Variants in MDC1 observed in about 807,000 individuals in gnomAD.
MDC1 encodes mediator of DNA damage checkpoint protein 1.
Under a neutral mutation model 142.5 loss-of-function variants are expected in MDC1, and 81 were observed. The observed-to-expected ratio is 0.57, with a 90% confidence interval of 0.47 to 0.68. MDC1 has a LOEUF of 0.68. MDC1 is among the 30% of genes least tolerant of loss of function. MDC1 has a pLI of 0.00. For synonymous variants in MDC1, 797 were observed against 968.4 expected, an observed-to-expected ratio of 0.82 and a Z score of 3.29; for missense variants, 2,119 against 2,547.9, an observed-to-expected ratio of 0.83 and a Z score of 3.62.
chr6:30,704,400 G>A lies in MDC1; in HGVS notation c.4783C>T (p.Arg1595Trp), dbSNP rs762832250. 8.0e-5 allele frequency: 129 copies of A among 1,612,730 alleles called. No individual in the cohort carries two copies. The highest frequency in any genetic ancestry group is 3.3e-4 in the Middle Eastern group (2 of 6,082). ...NQLVTPEPTS[R>W]ATRCRTNRSS... ...CTATTTGTCCTGCACCTAGTGGCCC[G>A]AGATGTGGGCTCAGGGGTGACAAGC... Residue 1595 changes from arginine (R) to tryptophan (W), a missense_variant, in exon 10 of 15, where the codon CGG (arginine) becomes TGG (tryptophan). By Grantham distance (101) the Arg-to-Trp change is moderately radical. Coordinates refer to ENST00000376406, the MANE Select transcript of MDC1 (RefSeq NM_014641.3).
At chr6:30,711,348 G>T in intron 7 of MDC1, 64 bp downstream of exon 7, 2 of 1,433,678 alleles carry the variant, frequency 1.4e-6, no homozygotes, top group Non-Finnish European at 2.0e-6. Flanking sequence ...TCCAGCCTGA[G>T]TGACAGAGGA....
intron 9 of MDC1, 62 bp downstream of exon 9, chr6:30,707,322 A>G: frequency 6.7e-7 from 1 of 1,500,900 alleles, no homozygotes; most frequent in South Asian, 1.1e-5. Context: ...GCTAGGTGAA[A>G]GAGCATTGGA....
In MDC1 at chr6:30,713,044, C is replaced by T. The variant is rs1173892252; in HGVS notation, c.898G>A (p.Asp300Asn). ...CTGCTGTCATCATCCACATCTGTGT[C>T]ACTGTCCTCTCCAGGAGGTTGGCTC... is the stretch of plus-strand genomic sequence containing the variant. ...ERSQPPGEDS[D>N]TDVDDDSRPP... The change falls in exon 5 of 15, where the codon GAC becomes AAC. Residue 300 changes from aspartate (D) to asparagine (N), a missense_variant. By Grantham distance (23) the Asp-to-Asn change is conservative (BLOSUM62 1). Coordinates refer to ENST00000376406, the MANE Select transcript of MDC1 (RefSeq NM_014641.3). The surrounding 1 kb of genome is among the most constrained non-coding windows in gnomAD (Gnocchi z 4.9). 1 of 1,612,930 alleles carries T rather than the reference C, an allele frequency of 6.2e-7. No individual in the cohort carries two copies. The highest frequency in any genetic ancestry group is 2.2e-5 in the East Asian group (1 of 44,884).
At chr6:30,707,253 C>A in intron 9 of MDC1, 131 bp downstream of exon 9, 1 of 949,788 alleles carries the variant, frequency 1.1e-6, no homozygotes, top group Non-Finnish European at 1.6e-6. Context: ...AGAAGCCAAT[C>A]AAGGCGTGAC....
chr6:30,702,272 A>G (rs979616945), intron 14 of MDC1, among the ~76,000 whole-genome samples: 1 of 151,456 alleles, frequency 6.6e-6, no homozygotes, highest in Non-Finnish European at 1.5e-5. Context: ...AAAAAAAAAA[A>G]AAAAAAAAAG....
rs748521531 is a variant in MDC1, at chr6:30,700,637, G to A, written c.6103-5C>T. On this transcript the variant is annotated splice_polypyrimidine_tract_variant and splice_region_variant and intron_variant, in intron 14 of 14. Transcript: ENST00000376406. ...TGTGATCACAACTCTCTGAGGCTGG[G>A]GAAGACAGAGCAAAGGCAAAATCAG... is the stretch of plus-strand genomic sequence containing the variant. 2 of 1,612,670 alleles carry A rather than the reference G, an allele frequency of 1.2e-6. No individual in the cohort carries two copies. Among genetic ancestry groups the A allele is most frequent in the South Asian group, 2.2e-5 (2 of 91,072 alleles).
rs993884531 is a variant in MDC1 at position 30,709,308 on chromosome 6, T to G, written c.2222-951A>C. Among the ~76,000 whole-genome samples, 4 of 152,242 alleles carry G rather than the reference T, an allele frequency of 2.6e-5. No individual in the cohort carries two copies. Among genetic ancestry groups the G allele is most frequent in the African/African-American group, 4.8e-5 (2 of 41,470 alleles). Reference sequence around the variant, plus strand: ...CTGGGATTACAGGTGTGAGCCACCATGCTTGGCTGGAATTTCCTTCTTTTT... The same window carrying G: ...CTGGGATTACAGGTGTGAGCCACCAGGCTTGGCTGGAATTTCCTTCTTTTT... On this transcript the variant is annotated intron_variant, in intron 7 of 14. Transcript: ENST00000376406. The surrounding 1 kb of genome is among the most constrained non-coding windows in gnomAD (Gnocchi z 4.2).
rs945061976 is a variant in MDC1, at chr6:30,716,307, TCTGCCTCCAGGCTTCAAGCGATTCTC to T, written c.-4+912_-4+937del. Among the ~76,000 whole-genome samples the T allele has an allele frequency of 5.3e-5, 8 of 151,796 alleles. No individual in the cohort carries two copies. Among genetic ancestry groups the T allele is most frequent in the Admixed American group, 1.3e-4 (2 of 15,214 alleles). Reference sequence around the variant, plus strand: ...GGTGCTATCTTGGCTCACTGCAACCTCTGCCTCCAGGCTTCAAGCGATTCTCCTGCCTCAGCCTCCCGAGCAGCTGG... The same window carrying T: ...GGTGCTATCTTGGCTCACTGCAACCTCTGCCTCAGCCTCCCGAGCAGCTGG... On this transcript the variant is annotated intron_variant, in intron 1 of 14. Coordinates refer to ENST00000376406, the MANE Select transcript of MDC1 (RefSeq NM_014641.3). This position sits in a 1 kb window ranked among gnomAD's most constrained non-coding sequence, Gnocchi z 4.4.
intron 5 of MDC1, 70 bp downstream of exon 5, chr6:30,711,804 T>C: frequency 6.4e-7 from 1 of 1,569,180 alleles, no homozygotes; most frequent in Non-Finnish European, 8.7e-7. Context: ...TCTCTACCTT[T>C]CTCTCCCCAA....
chr6:30,706,620 T>TTA (rs1562100808), intron 9 of MDC1, among the ~76,000 whole-genome samples: 1 of 42,788 alleles, frequency 2.3e-5, no homozygotes, highest in Admixed American at 3.5e-4. Context: ...AGACTCTGTC[T>TTA]AAAAAAAAAA....
rs1314438660 is a variant in MDC1 at position 30,711,452 on chromosome 6, G to A, written c.2181C>T (p.Pro727=). ...EPTQAFMLTP[P]QELGPSHCSF... ...TGCAATGGGAAGGGCCAAGCTCTTG[G>A]GGTGGAGTCAACATGAAGGCCTGGG... is the stretch of plus-strand genomic sequence containing the variant. The change falls in exon 7 of 15, where the codon CCC becomes CCT. Residue 727 remains proline, a synonymous_variant. Transcript: ENST00000376406. 9.9e-6 allele frequency: 16 copies of A among 1,613,004 alleles called. No homozygotes were observed. The highest frequency in any genetic ancestry group is 1.3e-5 in the African/African-American group (1 of 74,904).
rs749854538 is a variant in MDC1, at chr6:30,712,227, G to A, written c.1715C>T (p.Pro572Leu). 3.1e-6 allele frequency: 5 copies of A among 1,612,996 alleles called. No homozygotes were observed. The highest frequency in any genetic ancestry group is 2.5e-6 in the Non-Finnish European group (3 of 1,179,992). The change falls in exon 5 of 15, where the codon CCT (proline) becomes CTT (leucine). Residue 572 changes from proline (P) to leucine (L), a missense_variant. Physicochemically the swap from Pro to Leu is moderately conservative, Grantham distance 98. Transcript: ENST00000376406. The surrounding 1 kb of genome is among the most constrained non-coding windows in gnomAD (Gnocchi z 4.7). ...LLVVSLEEAW[P>L]LHGDCETDAE... ...ATCTGTTTCACAGTCCCCATGCAGA[G>A]GCCAGGCTTCCTCTAGAGATACCAC... is the stretch of plus-strand genomic sequence containing the variant.
Position 30,703,655 on chromosome 6 carries a change from T to C in MDC1, c.5528A>G (p.Glu1843Gly), listed in dbSNP as rs1562080840. 6.4e-7 allele frequency: 1 copy of C among 1,563,922 alleles called. No homozygotes were observed. The highest frequency in any genetic ancestry group is 8.6e-7 in the Non-Finnish European group (1 of 1,158,982). The change falls in exon 10 of 15, where the codon GAA becomes GGA. Residue 1843 changes from glutamate to glycine, a missense_variant. Transcript: ENST00000376406. This position sits in a 1 kb window ranked among gnomAD's most constrained non-coding sequence, Gnocchi z 4.4. ...CCCTGGCTTCTCTGCAGTATCTTCT[T>C]CCTCTTCCTTGATAATCACTGTCTT... ...SQKTVIIKEEEEDTAEKPGKE... is the reference protein window; with the variant it reads ...SQKTVIIKEEGEDTAEKPGKE...
intron 9 of MDC1, among the ~76,000 whole-genome samples, 160 bp from the exon 10 acceptor site, chr6:30,706,258 G>A (rs528084212): frequency 1.3e-5 from 2 of 151,864 alleles, no homozygotes; most frequent in South Asian, 2.1e-4. Flanking sequence ...AGGCCGAGGC[G>A]GGCGGATCAC....
Position 30,711,647 on chromosome 6 carries a change from A to T in MDC1, c.2128+20T>A. The T allele has an allele frequency of 6.2e-7, 1 of 1,612,488 alleles. No homozygotes were observed. Among genetic ancestry groups the T allele is most frequent in the Admixed American group, 1.7e-5 (1 of 59,964 alleles). ...CCAGCTCCCACTGGTACAGGATTCA[A>T]ATAACACAGAAGTCCTCACCTTCCA... On this transcript the variant is annotated intron_variant, in intron 6 of 14. Transcript: ENST00000376406.
intron 7 of MDC1, among the ~76,000 whole-genome samples, chr6:30,710,420 A>T (rs149394397): frequency 0.02 from 2,908 of 148,308 alleles, 40 homozygotes; most frequent in South Asian, 0.065. Flanking sequence ...TTTTTGAGAC[A>T]GAGTTTCACT....
Position 30,712,200 on chromosome 6 carries a change from G to T in MDC1, c.1742C>A (p.Ala581Glu), listed in dbSNP as rs756563739. 6.2e-7 allele frequency: 1 copy of T among 1,612,868 alleles called. No individual in the cohort carries two copies. The highest frequency in any genetic ancestry group is 1.3e-5 in the African/African-American group (1 of 75,060). The change falls in exon 5 of 15, where the codon GCA (alanine) becomes GAA (glutamate). Residue 581 changes from alanine to glutamate, a missense_variant. Coordinates refer to ENST00000376406, the MANE Select transcript of MDC1 (RefSeq NM_014641.3). The surrounding 1 kb of genome is among the most constrained non-coding windows in gnomAD (Gnocchi z 4.7). Reference protein sequence around the residue: ...WPLHGDCETDAEEGTSLTASV... With the variant: ...WPLHGDCETDEEEGTSLTASV... Reference sequence around the variant, plus strand: ...GGCTGTTAGGGAGGTGCCCTCCTCTGCATCTGTTTCACAGTCCCCATGCAG... The same window carrying T: ...GGCTGTTAGGGAGGTGCCCTCCTCTTCATCTGTTTCACAGTCCCCATGCAG...
In MDC1 at chr6:30,714,150, C is replaced by A; in HGVS notation, c.170G>T (p.Gly57Val). 6.2e-7 allele frequency: 1 copy of A among 1,611,032 alleles called. No homozygotes were observed. ...GGCCACAGAGCAGTCAGGCATTCGG[C>A]CTACCACATTCTTCCCGAGGTGTAG... ...FPLHLGKNVV[G>V]RMPDCSVALP... The change falls in exon 3 of 15, where the codon GGC becomes GTC. Residue 57 changes from glycine (G) to valine (V), a missense_variant. Transcript: ENST00000376406.
Position 30,704,778 on chromosome 6 carries a change from G to A in MDC1, c.4405C>T (p.Pro1469Ser). 1.2e-6 allele frequency: 2 copies of A among 1,612,792 alleles called. No homozygotes were observed. The highest frequency in any genetic ancestry group is 1.7e-6 in the Non-Finnish European group (2 of 1,179,462). ...TSTDQPVTPEPTSQATRGRTD... is the reference protein window; with the variant it reads ...TSTDQPVTPESTSQATRGRTD... ...CTTCCCCTAGTAGCCTGAGACGTAG[G>A]CTCAGGGGTAACAGGCTGGTCTGTG... The change falls in exon 10 of 15, where the codon CCT becomes TCT. Residue 1469 changes from proline to serine, a missense_variant. Physicochemically the swap from Pro to Ser is moderately conservative, Grantham distance 74. Coordinates refer to ENST00000376406, the MANE Select transcript of MDC1 (RefSeq NM_014641.3).
Sources: gnomAD v4.1 joint callset for allele counts (sites outside exome capture counted in the v4.1 genomes callset) on GRCh38, gnomAD v4.1.1 for gene constraint, Gnocchi (gnomAD v3.1) non-coding constraint, MANE v1.5 for transcripts, NCBI Gene and HGNC (gene_info 2026-07-23, HGNC 2026-07-21) for gene names.